The following GPC5 variants were observed in gnomAD, a reference collection of about 807,000 sequenced individuals.
GPC5 encodes glypican-5.
A neutral mutation model predicts 53.9 loss-of-function variants in GPC5; 47 were observed. The observed-to-expected ratio is 0.87, with a 90% confidence interval of 0.69 to 1.11. The LOEUF (loss-of-function observed/expected upper bound fraction) is 1.11. Among genes scored for constraint, GPC5 ranks in the 50% most tolerant of loss-of-function variants. GPC5 has a pLI of 0.00. For missense variants in GPC5, 748 were observed against 713.1 expected, an observed-to-expected ratio of 1.05 and a Z score of -0.56; for synonymous variants, 286 against 263.3, an observed-to-expected ratio of 1.09 and a Z score of -0.84.
At chr13:91,951,344 CAT>C (rs1826939590) in intron 6 of GPC5, among the ~76,000 whole-genome samples, 1 of 151,852 alleles carries the variant, frequency 6.6e-6, no homozygotes, top group South Asian at 2.1e-4. Flanking sequence ...TATATATATG[CAT>C]GTGTGTGTGA....
chr13:92,683,979 T>C (rs1487078424), intron 7 of GPC5, among the ~76,000 whole-genome samples: 1 of 152,198 alleles, frequency 6.6e-6, no homozygotes, highest in Non-Finnish European at 1.5e-5. Context: ...TGGATTTTAA[T>C]AGATGTATAA....
chr13:92,093,056 G>A (rs1401228163), intron 6 of GPC5, among the ~76,000 whole-genome samples: 2 of 152,226 alleles, frequency 1.3e-5, no homozygotes, highest in East Asian at 3.9e-4. Flanking sequence ...CAAACAAAAA[G>A]CAAAAGGCTC....
chr13:91,624,974 A>AG lies in GPC5; in HGVS notation c.326-68213_326-68212insG, dbSNP rs770472334. On this transcript the variant is annotated intron_variant, in intron 2 of 7. Transcript: ENST00000377067. ...TAAAAAAAATTAGAAGAAAATCAAC[A>AG]AAAACAAAAAATGAAGTAGATAAGG... Among the ~76,000 whole-genome samples the AG allele has an allele frequency of 6.1e-4, 93 of 152,072 alleles. No homozygotes were observed. In the Middle Eastern group the frequency reaches 0.01, roughly 17 times the overall value.
intron 6 of GPC5, among the ~76,000 whole-genome samples, chr13:92,028,549 G>A (rs1348183546): frequency 6.6e-6 from 1 of 152,128 alleles, no homozygotes; most frequent in African/African-American, 2.4e-5. Flanking sequence ...AAATGTATTT[G>A]TGCTGGGTAA....
At chr13:92,800,959 A>G (rs1419327170) in intron 7 of GPC5, among the ~76,000 whole-genome samples, 1 of 151,798 alleles carries the variant, frequency 6.6e-6, no homozygotes, top group Non-Finnish European at 1.5e-5. Context: ...AAACAAGAAT[A>G]TAAGACCATT....
intron 5 of GPC5, among the ~76,000 whole-genome samples, chr13:91,801,253 T>TTGTGTGTGTG (rs71113762): frequency 0.13 from 18,895 of 146,132 alleles, 1,470 homozygotes; most frequent in East Asian, 0.27. Context: ...CATCCATACT[T>TTGTGTGTGTG]TGTGTGTGTG....
rs537300916 is a variant in GPC5 at position 92,279,108 on chromosome 13, T to G, written c.1561+134119T>G. On this transcript the variant is annotated intron_variant, in intron 7 of 7. Coordinates refer to ENST00000377067, the MANE Select transcript of GPC5 (RefSeq NM_004466.6). Reference sequence around the variant, plus strand: ...GTTGCACTGAATCTTCTGATTACTTTGGAAAGTTTTGTTCTATTAACAATA... The same window carrying G: ...GTTGCACTGAATCTTCTGATTACTTGGGAAAGTTTTGTTCTATTAACAATA... Among the ~76,000 whole-genome samples the G allele has an allele frequency of 4.6e-5, 7 of 152,212 alleles. No individual in the cohort carries two copies. In the South Asian group the frequency reaches 1.4e-3, roughly 32 times the overall value.
chr13:92,065,346 A>C (rs887576215), intron 6 of GPC5, among the ~76,000 whole-genome samples: 2 of 152,172 alleles, frequency 1.3e-5, no homozygotes, highest in African/African-American at 4.8e-5. Flanking sequence ...CCCTGACTGC[A>C]GGGGTTGGGG....
At chr13:92,527,237 GAAAGAAAGAAAGAGAAAGAAAGAAAGAA>G (rs1388566346) in intron 7 of GPC5, among the ~76,000 whole-genome samples, 1 of 37,082 alleles carries the variant, frequency 2.7e-5, no homozygotes, top group African/African-American at 1.4e-4. Context: ...AAGAAAGAAA[GAAAGAAAGAAAGAGAAAGAAAGAAAGAA>G]AGAAAGAAAG....
chr13:91,658,396 G>GC (rs397785264), intron 2 of GPC5, among the ~76,000 whole-genome samples: 3 of 151,292 alleles, frequency 2.0e-5, no homozygotes, highest in African/African-American at 7.3e-5. Context: ...TTTTTGGGGG[G>GC]ATAGAATAAG....
intron 7 of GPC5, among the ~76,000 whole-genome samples, chr13:92,830,087 G>A (rs888624155): frequency 6.6e-6 from 1 of 152,064 alleles, no homozygotes; most frequent in Non-Finnish European, 1.5e-5. Context: ...AACTACCAGA[G>A]GAGCCACTGT....
At chr13:92,676,511 G>T (rs776108351) in intron 7 of GPC5, among the ~76,000 whole-genome samples, 2 of 152,026 alleles carry the variant, frequency 1.3e-5, no homozygotes, top group Admixed American at 6.6e-5. Flanking sequence ...AAAGAAACAC[G>T]CAAAATTAGG....
chr13:92,657,646 G>T (rs1280782151), intron 7 of GPC5, among the ~76,000 whole-genome samples: 1 of 139,748 alleles, frequency 7.2e-6, no homozygotes, highest in East Asian at 2.3e-4. Context: ...ATCCTGTGAA[G>T]GTGTGAGGCA....
chr13:92,331,265 A>C (rs2043286145), intron 7 of GPC5, among the ~76,000 whole-genome samples: 1 of 152,098 alleles, frequency 6.6e-6, no homozygotes, highest in Admixed American at 6.6e-5. Flanking sequence ...ACAAAGTAGA[A>C]ATATATTTTA....
At chr13:92,348,388 G>C (rs959212491) in intron 7 of GPC5, among the ~76,000 whole-genome samples, 2 of 151,906 alleles carry the variant, frequency 1.3e-5, no homozygotes, top group African/African-American at 2.4e-5. Flanking sequence ...TATAATAATA[G>C]TAAGTATACA....
At chr13:91,621,693 A>C (rs1363241751) in intron 2 of GPC5, among the ~76,000 whole-genome samples, 1 of 150,366 alleles carries the variant, frequency 6.7e-6, no homozygotes, top group African/African-American at 2.5e-5. Flanking sequence ...TCTGTGTAAC[A>C]TTCATTCTAA....
intron 7 of GPC5, among the ~76,000 whole-genome samples, chr13:92,435,746 A>G (rs1457892654): frequency 6.6e-6 from 1 of 152,210 alleles, no homozygotes; most frequent in East Asian, 1.9e-4. Context: ...ATTTATGATT[A>G]TATGTGTGAA....
At chr13:92,749,295 T>G (rs1372927343) in intron 7 of GPC5, among the ~76,000 whole-genome samples, 1 of 152,154 alleles carries the variant, frequency 6.6e-6, no homozygotes, top group African/African-American at 2.4e-5. Context: ...ATATTATGTA[T>G]AATATAATGT....
chr13:91,912,660 C>CA (rs2039621080), intron 6 of GPC5, among the ~76,000 whole-genome samples: 1 of 152,096 alleles, frequency 6.6e-6, no homozygotes, highest in African/African-American at 2.4e-5. Flanking sequence ...TTGGTGCTGG[C>CA]ATATTATCCT....
Sources: gnomAD v4.1 joint callset for allele counts (sites outside exome capture counted in the v4.1 genomes callset) on GRCh38, gnomAD v4.1.1 for gene constraint, MANE v1.5 for transcripts, NCBI Gene and HGNC (gene_info 2026-07-23, HGNC 2026-07-21) for gene names.